The following RAP1GAP2 variants were observed in gnomAD, a reference collection of about 807,000 sequenced individuals.
RAP1GAP2 encodes rap1 GTPase-activating protein 2.
In RAP1GAP2, 27 loss-of-function variants were observed where a neutral mutation model predicts 95.0. That is an observed-to-expected ratio of 0.28 (90% confidence interval 0.21 to 0.39). The LOEUF is 0.39. RAP1GAP2 is among the 10% of genes least tolerant of loss of function. The pLI is 1.00. For missense variants in RAP1GAP2, 771 were observed against 970.0 expected (o/e 0.79, Z 2.72); for synonymous variants, 373 against 380.9 (o/e 0.98, Z 0.24).
At chr17:2,832,873 G>A (rs909894131) in intron 2 of RAP1GAP2, among the ~76,000 whole-genome samples, 2 of 151,992 alleles carry the variant, frequency 1.3e-5, no homozygotes, top group Non-Finnish European at 2.9e-5. Flanking sequence ...CTACTCGGTG[G>A]GGGGCTGAGG....
At chr17:2,917,290 G>C (rs1230276187) in intron 3 of RAP1GAP2, among the ~76,000 whole-genome samples, 1 of 151,530 alleles carries the variant, frequency 6.6e-6, no homozygotes, top group Non-Finnish European at 1.5e-5. Context: ...TCTTTTTTGA[G>C]ACAGAGTTGC....
At chr17:2,911,260 A>ATTT (rs34227127) in intron 3 of RAP1GAP2, among the ~76,000 whole-genome samples, 4 of 132,030 alleles carry the variant, frequency 3.0e-5, no homozygotes, top group African/African-American at 9.0e-5. Flanking sequence ...TTTGAAGGGG[A>ATTT]TTTTTTTTTT....
At chr17:2,900,472 G>C (rs555513534) in intron 2 of RAP1GAP2, among the ~76,000 whole-genome samples, 2 of 150,698 alleles carry the variant, frequency 1.3e-5, no homozygotes, top group Admixed American at 6.6e-5. Context: ...ACGGAGTTTC[G>C]CTCTTGTTGC....
chr17:2,998,195 A>T, intron 13 of RAP1GAP2, 26 bp from the exon 14 acceptor site: 1 of 1,607,886 alleles, frequency 6.2e-7, no homozygotes, highest in Non-Finnish European at 8.5e-7. Context: ...TAACTGGCTT[A>T]TAACCTCTCA....
At chr17:2,927,357 G>T (rs947119147) in intron 3 of RAP1GAP2, among the ~76,000 whole-genome samples, 258 of 152,058 alleles carry the variant, frequency 1.7e-3, no homozygotes, top group Non-Finnish European at 2.8e-3. Flanking sequence ...GTTTCACCGT[G>T]TTAGCCAGGA....
chr17:3,008,181 G>A lies in RAP1GAP2; in HGVS notation c.1494+36G>A, dbSNP rs201809169. On this transcript the variant is annotated intron_variant, in intron 17 of 24. Transcript: ENST00000254695. The surrounding 1 kb of genome is among the most constrained non-coding windows in gnomAD (Gnocchi z 4.2). ...CAGAGTGACTGATGGTTGCTGTGGGGTTGGGATTGGGGAAGAAAGGAAGTG... is the reference window on the plus strand; with the variant it reads ...CAGAGTGACTGATGGTTGCTGTGGGATTGGGATTGGGGAAGAAAGGAAGTG... 3.2e-5 allele frequency: 52 copies of A among 1,612,398 alleles called. No individual in the cohort carries two copies. The Admixed American group carries it at 5.8e-4, about 18-fold the overall frequency.
rs78837132 is a variant in RAP1GAP2, at chr17:2,800,074, C to T, written c.45-441C>T. ...GATGCTTGCGTCTTCCCAAAGCAGA[C>T]GCCTGGGAAATATGGATGTCCACCT... is the stretch of plus-strand genomic sequence containing the variant. On this transcript the variant is annotated intron_variant, in intron 1 of 24. Coordinates refer to ENST00000254695, the MANE Select transcript of RAP1GAP2 (RefSeq NM_015085.5). 276 of 559,264 alleles carry T rather than the reference C, an allele frequency of 4.9e-4. No individual in the cohort carries two copies. The African/African-American group carries it at 5.2e-3, about 11-fold the overall frequency. The allele number at this position is 559,264 out of a possible 1,614,324, so 34.6% of individuals were successfully genotyped here.
intron 3 of RAP1GAP2, among the ~76,000 whole-genome samples, chr17:2,944,203 A>G (rs1172648931): frequency 6.6e-6 from 1 of 151,824 alleles, no homozygotes; most frequent in Non-Finnish European, 1.5e-5. Flanking sequence ...AAAAGATAAC[A>G]AGCATTGGTG....
intron 2 of RAP1GAP2, chr17:2,770,465 T>G (rs989937068): frequency 1.3e-5 from 5 of 398,650 alleles, no homozygotes; most frequent in Non-Finnish European, 2.2e-5. Context: ...CCTTCTGCCT[T>G]GACCCTCACA....
chr17:2,945,922 T>C (rs1413489525), intron 3 of RAP1GAP2, among the ~76,000 whole-genome samples: 1 of 152,092 alleles, frequency 6.6e-6, no homozygotes, highest in Non-Finnish European at 1.5e-5. Context: ...CCCGAGTAGC[T>C]GGGATTATAG....
intron 2 of RAP1GAP2, among the ~76,000 whole-genome samples, chr17:2,852,006 A>G (rs1295289815): frequency 6.6e-6 from 1 of 152,194 alleles, no homozygotes; most frequent in Non-Finnish European, 1.5e-5. Flanking sequence ...GACCTAAGCC[A>G]GCGCCCTCAT....
At chr17:2,887,983 T>G (rs1181505577) in intron 2 of RAP1GAP2, among the ~76,000 whole-genome samples, 2 of 152,116 alleles carry the variant, frequency 1.3e-5, no homozygotes, top group Admixed American at 1.3e-4. Flanking sequence ...CTAACTATTA[T>G]CTCTACTATC....
intron 2 of RAP1GAP2, among the ~76,000 whole-genome samples, chr17:2,822,419 T>C (rs1301164313): frequency 6.6e-6 from 1 of 151,942 alleles, no homozygotes; most frequent in African/African-American, 2.4e-5. Flanking sequence ...CCCAGGAGTT[T>C]AACACTAGCC....
chr17:2,787,920 T>C (rs952293520), intron 1 of RAP1GAP2, among the ~76,000 whole-genome samples: 1 of 152,218 alleles, frequency 6.6e-6, no homozygotes, highest in Non-Finnish European at 1.5e-5. Context: ...TATTAACATA[T>C]ATTAAGTGCT....
intron 17 of RAP1GAP2, 41 bp from the exon 18 acceptor site, chr17:3,018,020 G>A: frequency 6.5e-7 from 1 of 1,548,708 alleles, no homozygotes; most frequent in Non-Finnish European, 8.7e-7. Flanking sequence ...CATCCGGAGA[G>A]CCCGGGTGCT....
At chr17:2,770,733 G>A (rs897791122) in intron 2 of RAP1GAP2, among the ~76,000 whole-genome samples, 3 of 152,214 alleles carry the variant, frequency 2.0e-5, no homozygotes, top group Admixed American at 1.3e-4. Flanking sequence ...AAATATGACT[G>A]CAGAGATTTA....
chr17:2,965,729 T>C lies in RAP1GAP2; in HGVS notation c.596+86T>C, dbSNP rs767337001. The stretch of plus-strand genomic sequence containing the variant: ...TGGGGGCTGGGATGGGACTCAGAAA[T>C]ACCAGACTGACCAGTCTGGTCTGGG... On this transcript the variant is annotated intron_variant, in intron 8 of 24. Coordinates refer to ENST00000254695, the MANE Select transcript of RAP1GAP2 (RefSeq NM_015085.5). The surrounding 1 kb of genome is among the most constrained non-coding windows in gnomAD (Gnocchi z 4.7). 6 of 1,007,242 alleles carry C rather than the reference T, an allele frequency of 6.0e-6. No individual in the cohort carries two copies. Among genetic ancestry groups the C allele is most frequent in the Non-Finnish European group, 9.1e-6 (6 of 660,290 alleles). 62.4% of individuals were successfully genotyped at this position (1,007,242 alleles called of 1,614,324 possible). A position where few individuals can be genotyped will look rare whatever the true frequency, so the allele number is the denominator to read the frequency against.
intron 3 of RAP1GAP2, among the ~76,000 whole-genome samples, chr17:2,922,863 G>A (rs1248910285): frequency 7.7e-6 from 1 of 130,670 alleles, no homozygotes; most frequent in Non-Finnish European, 1.6e-5. Context: ...ACAGAAATTC[G>A]CTGATGTTGC....
At chr17:2,840,459 G>A (rs970769223) in intron 2 of RAP1GAP2, among the ~76,000 whole-genome samples, 10 of 151,626 alleles carry the variant, frequency 6.6e-5, no homozygotes, top group Admixed American at 4.6e-4. Context: ...CACAGTGCCC[G>A]GCTGTTATTC....
Sources: gnomAD v4.1 joint callset for allele counts (sites outside exome capture counted in the v4.1 genomes callset) on GRCh38, gnomAD v4.1.1 for gene constraint, Gnocchi (gnomAD v3.1) non-coding constraint, MANE v1.5 for transcripts, NCBI Gene and HGNC (gene_info 2026-07-23, HGNC 2026-07-21) for gene names.